The following ZBTB20 variants were observed in gnomAD, a reference collection of about 807,000 sequenced individuals.
ZBTB20 encodes zinc finger and BTB domain containing 20.
A neutral mutation model predicts 56.9 loss-of-function variants in ZBTB20; 9 were observed. The ratio of observed to expected loss-of-function variants is 0.16; its 90% CI spans 0.10 to 0.28. ZBTB20 has a LOEUF of 0.28. Among genes scored for constraint, ZBTB20 ranks in the 10% least tolerant of loss-of-function variants. ZBTB20 has a pLI of 1.00. For synonymous variants in ZBTB20, 417 were observed against 420.7 expected (o/e 0.99, Z 0.11); for missense variants, 655 against 1,003.0 (o/e 0.65, Z 4.69).
At chr3:115,025,888 T>C (rs1021750195) in intron 2 of ZBTB20, among the ~76,000 whole-genome samples, 1 of 148,338 alleles carries the variant, frequency 6.7e-6, no homozygotes, top group Non-Finnish European at 1.5e-5. Context: ...ATATATAAAA[T>C]ATACTAAAAT....
At chr3:114,863,234 C>T (rs190460345) in intron 4 of ZBTB20, among the ~76,000 whole-genome samples, 3 of 152,044 alleles carry the variant, frequency 2.0e-5, no homozygotes, top group African/African-American at 7.2e-5. Flanking sequence ...TGAAAATCAC[C>T]TAGAGAATCT....
At chr3:115,022,225 T>A (rs2080235482) in intron 2 of ZBTB20, among the ~76,000 whole-genome samples, 1 of 150,878 alleles carries the variant, frequency 6.6e-6, no homozygotes, top group South Asian at 2.1e-4. Flanking sequence ...ATTTACAAAA[T>A]TTAGTTATTT....
intron 2 of ZBTB20, among the ~76,000 whole-genome samples, chr3:114,990,828 T>C (rs1182229086): frequency 6.6e-6 from 1 of 152,188 alleles, no homozygotes; most frequent in Non-Finnish European, 1.5e-5. Flanking sequence ...CCTAGTTTAG[T>C]CTTGGGAGAG....
intron 6 of ZBTB20, among the ~76,000 whole-genome samples, chr3:114,548,285 A>C (rs1225094268): frequency 6.6e-6 from 1 of 152,184 alleles, no homozygotes; most frequent in Non-Finnish European, 1.5e-5. Flanking sequence ...TATCCAACTG[A>C]AGTGGGCTCT....
At chr3:114,770,870 A>C (rs147196427) in intron 5 of ZBTB20, among the ~76,000 whole-genome samples, 1 of 152,338 alleles carries the variant, frequency 6.6e-6, no homozygotes, top group Non-Finnish European at 1.5e-5. Flanking sequence ...CTAATCCAAG[A>C]GTCTGAAATC....
At chr3:115,123,951 C>T (rs1012220377) in intron 1 of ZBTB20, among the ~76,000 whole-genome samples, 17 of 152,168 alleles carry the variant, frequency 1.1e-4, no homozygotes, top group Non-Finnish European at 2.9e-5. Flanking sequence ...CCCACATAAA[C>T]AAGCTACCAA....
At chr3:114,824,305 C>G (rs532203384) in intron 4 of ZBTB20, among the ~76,000 whole-genome samples, 1 of 151,992 alleles carries the variant, frequency 6.6e-6, no homozygotes, top group Admixed American at 6.6e-5. Context: ...TGAAGAGAAA[C>G]TTTGATACAA....
intron 2 of ZBTB20, among the ~76,000 whole-genome samples, chr3:114,991,849 C>T (rs540751750): frequency 1.3e-5 from 2 of 152,086 alleles, no homozygotes; most frequent in South Asian, 2.1e-4. Context: ...ATCCCTTTAC[C>T]ATCATGTAAT....
At chr3:114,663,685 T>C (rs2060883480) in intron 6 of ZBTB20, among the ~76,000 whole-genome samples, 1 of 151,288 alleles carries the variant, frequency 6.6e-6, no homozygotes, top group East Asian at 1.9e-4. Flanking sequence ...AATAAAAGGA[T>C]GGAGGAAGAT....
chr3:114,632,334 T>C (rs1234213216), intron 6 of ZBTB20, among the ~76,000 whole-genome samples: 2 of 152,136 alleles, frequency 1.3e-5, no homozygotes, highest in East Asian at 1.9e-4. Flanking sequence ...TGTTTAGTTC[T>C]CTCCTCCAAC....
At chr3:114,753,942 A>G (rs2108663295) in intron 5 of ZBTB20, among the ~76,000 whole-genome samples, 1 of 152,314 alleles carries the variant, frequency 6.6e-6, no homozygotes, top group Non-Finnish European at 1.5e-5. Flanking sequence ...CTGGAAACAA[A>G]GGGGAAAGGT....
At chr3:114,545,350 G>T (rs1289940721) in intron 6 of ZBTB20, among the ~76,000 whole-genome samples, 1 of 152,076 alleles carries the variant, frequency 6.6e-6, no homozygotes, top group Non-Finnish European at 1.5e-5. Flanking sequence ...ACTACCATTT[G>T]TATACCACTT....
rs186091421 is a variant in ZBTB20, at chr3:115,118,886, T to C, written c.-703+28333A>G. On this transcript the variant is annotated intron_variant, in intron 1 of 11. Coordinates refer to ENST00000675478, the MANE Select transcript of ZBTB20 (RefSeq NM_001348800.3). ...AGCTTATGAAACAAATTAAAGAAAA[T>C]ATGCTCACATGAAAACTTTTAATAG... 5.7e-3 allele frequency among the ~76,000 whole-genome samples: 860 copies of C among 152,076 alleles called. 4 individuals carry two copies. The highest frequency in any genetic ancestry group is 0.019 in the African/African-American group (796 of 41,504).
At chr3:114,725,517 T>C (rs2065210943) in intron 5 of ZBTB20, among the ~76,000 whole-genome samples, 1 of 152,256 alleles carries the variant, frequency 6.6e-6, no homozygotes, top group Non-Finnish European at 1.5e-5. Context: ...AAATTGATAA[T>C]GAAAGTCAAT....
At chr3:114,839,420 A>G (rs1460424388) in intron 4 of ZBTB20, among the ~76,000 whole-genome samples, 5 of 149,186 alleles carry the variant, frequency 3.4e-5, no homozygotes, top group Admixed American at 6.7e-5. Context: ...AGAAAGAAAG[A>G]AAGAAAGAAA....
chr3:114,712,225 A>G (rs2064131425), intron 5 of ZBTB20, among the ~76,000 whole-genome samples: 1 of 152,166 alleles, frequency 6.6e-6, no homozygotes, highest in Admixed American at 6.6e-5. Flanking sequence ...GAAGGTGATT[A>G]TTTACTATGA....
chr3:114,479,937 G>T (rs1041546135), intron 7 of ZBTB20, among the ~76,000 whole-genome samples: 25 of 152,168 alleles, frequency 1.6e-4, no homozygotes, highest in African/African-American at 5.8e-4. Flanking sequence ...GTAACAACCC[G>T]CTCAGGGTTA....
At chr3:114,414,708 A>G (rs2088338235) in intron 7 of ZBTB20, among the ~76,000 whole-genome samples, 1 of 148,024 alleles carries the variant, frequency 6.8e-6, no homozygotes, top group South Asian at 2.1e-4. Flanking sequence ...ATAAAATACT[A>G]TATATTTATA....
At chr3:114,534,351 A>G (rs1485621524) in intron 6 of ZBTB20, among the ~76,000 whole-genome samples, 1 of 152,238 alleles carries the variant, frequency 6.6e-6, no homozygotes, top group Non-Finnish European at 1.5e-5. Flanking sequence ...AGTCTCTGAT[A>G]AAACAGATTT....
Sources: allele counts gnomAD v4.1 joint callset (sites outside exome capture counted in the v4.1 genomes callset), GRCh38; gene constraint gnomAD v4.1.1; transcripts MANE v1.5; gene names NCBI Gene and HGNC (gene_info 2026-07-23, HGNC 2026-07-21).